TG: variants seen among roughly 807,000 people sequenced by gnomAD.
TG encodes the protein thyroglobulin, also known as thyroid hormones.
Under a neutral mutation model 324.7 loss-of-function variants are expected in TG, and 270 were observed. The observed-to-expected ratio is 0.83, with a 90% CI of 0.75 to 0.92. The LOEUF is 0.92. Among genes scored for constraint, TG ranks in the 40% least tolerant of loss-of-function variants. The pLI, the probability that TG is intolerant of heterozygous loss-of-function variation, is 0.00. For synonymous variants in TG, 1,401 were observed against 1,327.0 expected, an observed-to-expected ratio of 1.06 and a Z score of -1.21; for missense variants, 3,591 against 3,456.4, an observed-to-expected ratio of 1.04 and a Z score of -0.98.
intron 22 of TG, among the ~76,000 whole-genome samples, chr8:132,928,212 T>G (rs1008756322): frequency 6.6e-6 from 1 of 152,232 alleles, no homozygotes; most frequent in East Asian, 1.9e-4. Context: ...CATCTAGATA[T>G]AAGTCTTTTT....
rs79936609 is a variant in TG, at chr8:133,079,897, G to A, written c.7240-15147G>A. Among the ~76,000 whole-genome samples the A allele has an allele frequency of 8.1e-3, 1,230 of 151,812 alleles. 6 individuals are homozygous for A. The highest frequency in any genetic ancestry group is 0.014 in the Non-Finnish European group (921 of 67,960). ...ATCAAACCATATGACCTTCAAGATC[G>A]CATACAAGATAGAAGTTCTCGAGAG... On this transcript the variant is annotated intron_variant, in intron 41 of 47. Coordinates refer to ENST00000220616, the MANE Select transcript of TG (RefSeq NM_003235.5).
At chr8:132,956,589 G>A (rs537766364) in intron 27 of TG, among the ~76,000 whole-genome samples, 8 of 152,300 alleles carry the variant, frequency 5.3e-5, no homozygotes, top group East Asian at 1.9e-4. Flanking sequence ...ATGCAACGAC[G>A]CAGAGGCCTG....
chr8:132,896,966 A>G (rs1359333206), intron 11 of TG, among the ~76,000 whole-genome samples: 1 of 152,312 alleles, frequency 6.6e-6, no homozygotes, highest in African/African-American at 2.4e-5. Flanking sequence ...GGTTCATCAT[A>G]TAACCTCCCT....
chr8:133,071,143 A>G (rs569936036), intron 41 of TG, among the ~76,000 whole-genome samples: 16 of 152,288 alleles, frequency 1.1e-4, no homozygotes, highest in African/African-American at 3.6e-4. Flanking sequence ...TTCGTGTACA[A>G]CAACAGGAGA....
At chr8:132,870,539 T>C (rs1459255235) in intron 3 of TG, among the ~76,000 whole-genome samples, 1 of 151,464 alleles carries the variant, frequency 6.6e-6, no homozygotes, top group African/African-American at 2.4e-5. Context: ...AGGCACATAG[T>C]AGGTATTCAA....
At chr8:133,050,456 C>T in intron 41 of TG, 1 of 247,034 alleles carries the variant, frequency 4.0e-6, no homozygotes, top group African/African-American at 2.2e-5. Context: ...TGTTTTTTCT[C>T]ATCCGAAGGA....
rs554325723 is a variant in TG, at chr8:133,080,840, T to G, written c.7240-14204T>G. Among the ~76,000 whole-genome samples, 18 of 152,292 alleles carry G rather than the reference T, an allele frequency of 1.2e-4. 1 individual carries two copies. The South Asian group carries it at 3.5e-3, about 30-fold the overall frequency. On this transcript the variant is annotated intron_variant, in intron 41 of 47. Transcript: ENST00000220616. The stretch of plus-strand genomic sequence containing the variant: ...TCCCCCTGCAAGGGCATGGGGCAGG[T>G]CCCTTCAGGCCCAACCCAGTGCTAA...
intron 26 of TG, among the ~76,000 whole-genome samples, chr8:132,947,164 C>T (rs1329721035): frequency 3.3e-5 from 5 of 152,286 alleles, no homozygotes; most frequent in African/African-American, 1.2e-4. Flanking sequence ...TTCTTCCTTT[C>T]TGTGCCTCGG....
chr8:133,029,848 G>T lies in TG; in HGVS notation c.7064G>T (p.Gly2355Val). Reference protein sequence around the residue: ...SGSGEVSGNWGLLDQVAALTW... With the variant: ...SGSGEVSGNWVLLDQVAALTW... ...TCCGGAGAGGTGAGTGGCAACTGGG[G>T]GCTGCTGGACCAGGTGGCGGCTCTG... Residue 2355 changes from glycine to valine, a missense_variant, in exon 41 of 48, where the codon GGG becomes GTG. Physicochemically the swap from Gly to Val is moderately radical, Grantham distance 109. Transcript: ENST00000220616. 6.2e-7 allele frequency: 1 copy of T among 1,614,156 alleles called. No homozygotes were observed. Among genetic ancestry groups the T allele is most frequent in the Non-Finnish European group, 8.5e-7 (1 of 1,179,986 alleles).
intron 18 of TG, among the ~76,000 whole-genome samples, chr8:132,909,671 T>G (rs1307079554): frequency 6.6e-6 from 1 of 152,232 alleles, no homozygotes; most frequent in Non-Finnish European, 1.5e-5. Context: ...CCAGCACTCC[T>G]ACCAGTGTGA....
intron 43 of TG, among the ~76,000 whole-genome samples, chr8:133,109,849 A>G (rs544248758): frequency 2.0e-5 from 3 of 152,162 alleles, no homozygotes; most frequent in Non-Finnish European, 4.4e-5. Context: ...AGCAAATGGC[A>G]TTGCACAGGG....
chr8:133,117,322 G>A (rs1850777654), intron 45 of TG, among the ~76,000 whole-genome samples: 1 of 152,198 alleles, frequency 6.6e-6, no homozygotes, highest in Non-Finnish European at 1.5e-5. Flanking sequence ...AAAGATTTGG[G>A]TTTCATAGCT....
At chr8:132,999,205 A>G (rs988174931) in intron 35 of TG, among the ~76,000 whole-genome samples, 1 of 152,198 alleles carries the variant, frequency 6.6e-6, no homozygotes, top group African/African-American at 2.4e-5. Flanking sequence ...AGTCTGGACC[A>G]GAGTGAGAAA....
chr8:133,056,674 T>C (rs1467451646), intron 41 of TG, among the ~76,000 whole-genome samples: 1 of 152,206 alleles, frequency 6.6e-6, no homozygotes, highest in Non-Finnish European at 1.5e-5. Context: ...AGAAGCCTCG[T>C]GGGGCTGTGA....
chr8:133,127,061 A>G (rs1053095521), intron 45 of TG, among the ~76,000 whole-genome samples: 5 of 152,174 alleles, frequency 3.3e-5, no homozygotes, highest in Non-Finnish European at 5.9e-5. Flanking sequence ...TGCCATCTCC[A>G]GCACAGTCCT....
Position 133,042,418 on chromosome 8 carries a change from C to T in TG, c.7239+12395C>T, listed in dbSNP as rs114504308. 6.1e-3 allele frequency among the ~76,000 whole-genome samples: 929 copies of T among 152,224 alleles called. 14 individuals are homozygous for T. The highest frequency in any genetic ancestry group is 0.018 in the African/African-American group (733 of 41,556). ...CCATATTTTAGAATTCATGTATGCCCCATGCACTCTGTTCTCTCAGTAACC... is the reference window on the plus strand; with the variant it reads ...CCATATTTTAGAATTCATGTATGCCTCATGCACTCTGTTCTCTCAGTAACC... On this transcript the variant is annotated intron_variant, in intron 41 of 47. Coordinates refer to ENST00000220616, the MANE Select transcript of TG (RefSeq NM_003235.5).
intron 38 of TG, 76 bp downstream of exon 38, chr8:133,018,073 C>A: frequency 7.0e-7 from 1 of 1,418,618 alleles, no homozygotes; most frequent in Non-Finnish European, 9.8e-7. Flanking sequence ...AAATGGGACT[C>A]AGTAGCAGAG....
chr8:132,999,118 G>A (rs1187563868), intron 35 of TG, among the ~76,000 whole-genome samples: 2 of 152,158 alleles, frequency 1.3e-5, no homozygotes, highest in East Asian at 3.9e-4. Context: ...GACACAGGAG[G>A]CTGGGGAAGG....
chr8:133,056,240 A>C (rs1357187596), intron 41 of TG, among the ~76,000 whole-genome samples: 1 of 152,226 alleles, frequency 6.6e-6, no homozygotes, highest in Non-Finnish European at 1.5e-5. Context: ...CTAGTTATAT[A>C]TTTTATGATG....
Sources: allele counts gnomAD v4.1 joint callset (sites outside exome capture counted in the v4.1 genomes callset), GRCh38; gene constraint gnomAD v4.1.1; transcripts MANE v1.5; gene names NCBI Gene and HGNC (gene_info 2026-07-23, HGNC 2026-07-21).